Variants in NCBP3 observed in about 807,000 individuals in gnomAD.
The protein encoded by NCBP3 is nuclear cap binding subunit 3, also known as nuclear cap-binding protein subunit 3.
A neutral mutation model predicts 75.7 loss-of-function variants in NCBP3; 20 were observed. The observed-to-expected ratio is 0.26, with a 90% confidence interval of 0.19 to 0.38. NCBP3 has a LOEUF of 0.38. NCBP3 is among the 10% of genes least tolerant of loss of function. The pLI, the probability that NCBP3 is intolerant of heterozygous loss-of-function variation, is 1.00. For missense variants in NCBP3, 678 were observed against 796.9 expected, an observed-to-expected ratio of 0.85 and a Z score of 1.80; for synonymous variants, 293 against 290.5, an observed-to-expected ratio of 1.01 and a Z score of -0.09.
At chr17:3,830,125 G>A (rs2053852390) in intron 3 of NCBP3, among the ~76,000 whole-genome samples, 2 of 152,168 alleles carry the variant, frequency 1.3e-5, no homozygotes, top group Admixed American at 6.5e-5. Flanking sequence ...CGTCACTGCG[G>A]AGGGCAAATG....
rs1400353141 is a variant in NCBP3, at chr17:3,809,654, C to G, written c.*3390G>C. On this transcript the variant is annotated 3_prime_UTR_variant, in exon 13 of 13. Transcript: ENST00000389005. ...CCCGGAGGTGGAGGTTGCAGTGGGCCGAGATCGTGCCATTGCACTCCAGCC... is the reference window on the plus strand; with the variant it reads ...CCCGGAGGTGGAGGTTGCAGTGGGCGGAGATCGTGCCATTGCACTCCAGCC... 1 of 152,052 alleles carries G rather than the reference C, an allele frequency of 6.6e-6. No homozygotes were observed. The highest frequency in any genetic ancestry group is 2.1e-4 in the South Asian group (1 of 4,812). The allele number at this position is 152,052 out of a possible 1,614,324, so 9.4% of individuals were successfully genotyped here. A position where few individuals can be genotyped will look rare whatever the true frequency, so the allele number is the denominator to read the frequency against.
intron 3 of NCBP3, among the ~76,000 whole-genome samples, chr17:3,838,508 G>A (rs1295150097): frequency 1.3e-5 from 2 of 152,228 alleles, no homozygotes; most frequent in African/African-American, 4.8e-5. Flanking sequence ...ACTTGAACTG[G>A]TCATGCAGGA....
chr17:3,814,628 TG>T (rs2053494715), intron 11 of NCBP3, 145 bp from the exon 12 acceptor site: 1 of 832,534 alleles, frequency 1.2e-6, no homozygotes, highest in African/African-American at 1.7e-5. Context: ...ATTCTTCCTT[TG>T]TAATCAGTCT....
At chr17:3,824,774 G>A in intron 7 of NCBP3, 168 bp downstream of exon 7, 1 of 392,970 alleles carries the variant, frequency 2.5e-6, no homozygotes, top group East Asian at 4.0e-5. Context: ...TTTAAAGTCA[G>A]AAATTCCAAC....
In NCBP3 at chr17:3,809,279, G is replaced by A. The variant is rs910785409; in HGVS notation, c.*3765C>T. 1 of 152,116 alleles carries A rather than the reference G, an allele frequency of 6.6e-6. No homozygotes were observed. Among genetic ancestry groups the A allele is most frequent in the East Asian group, 1.9e-4 (1 of 5,200 alleles). 9.4% of individuals were successfully genotyped at this position (152,116 alleles called of 1,614,324 possible). On this transcript the variant is annotated 3_prime_UTR_variant, in exon 13 of 13. Coordinates refer to ENST00000389005, the MANE Select transcript of NCBP3 (RefSeq NM_001114118.3). ...ATACAGCTGCTTGGAAAAACCACCTGGTGGTTCCTGAAAAGGTTAAAGATA... is the reference window on the plus strand; with the variant it reads ...ATACAGCTGCTTGGAAAAACCACCTAGTGGTTCCTGAAAAGGTTAAAGATA...
chr17:3,829,530 T>C (rs1233791916), intron 3 of NCBP3, among the ~76,000 whole-genome samples, 162 bp from the exon 4 acceptor site: 2 of 152,068 alleles, frequency 1.3e-5, no homozygotes, highest in Non-Finnish European at 2.9e-5. Flanking sequence ...AACAGTAAGG[T>C]AAACTATCTT....
rs377650224 is a variant in NCBP3 at position 3,829,124 on chromosome 17, C to G, written c.481+119G>C. ...GACAATTTTTTCTCTCCTGGACTAA[C>G]AGCAGAAGTTCGGCATAAACAAGTA... On this transcript the variant is annotated intron_variant, in intron 4 of 12. Transcript: ENST00000389005. 8.9e-5 allele frequency: 103 copies of G among 1,151,602 alleles called. No individual in the cohort carries two copies. In the East Asian group the frequency reaches 2.3e-3, roughly 25 times the overall value. The allele number at this position is 1,151,602 out of a possible 1,614,324, so 71.3% of individuals were successfully genotyped here.
chr17:3,824,974 C>G lies in NCBP3; in HGVS notation c.764G>C (p.Gly255Ala). The G allele has an allele frequency of 2.6e-6, 4 of 1,543,752 alleles. No individual in the cohort carries two copies. Among genetic ancestry groups the G allele is most frequent in the Non-Finnish European group, 2.6e-6 (3 of 1,142,828 alleles). The change falls in exon 7 of 13, where the codon GGA becomes GCA. Residue 255 changes from glycine to alanine, a missense_variant. This residue lies in a region of NCBP3 where 98 missense variants were observed against 101.8 expected (regional missense o/e 0.96). Transcript: ENST00000389005. ...DLRPANKLAK[G>A]NRLFMRFATK... is the part of the protein sequence containing the mutation. ...AGCAAATCTCATGAATAACCTATTTCCTTTAGCAAGTTTGTTAGCTGGACG... is the reference window on the plus strand; with the variant it reads ...AGCAAATCTCATGAATAACCTATTTGCTTTAGCAAGTTTGTTAGCTGGACG...
intron 3 of NCBP3, among the ~76,000 whole-genome samples, chr17:3,833,408 G>A (rs558482938): frequency 3.2e-4 from 49 of 152,190 alleles, no homozygotes; most frequent in Non-Finnish European, 5.9e-4. Flanking sequence ...TGCACCCAGC[G>A]CCTGCATCTC....
In NCBP3 at chr17:3,806,988, T is replaced by C. The variant is rs1239783286; in HGVS notation, c.*6056A>G. On this transcript the variant is annotated 3_prime_UTR_variant, in exon 13 of 13. Transcript: ENST00000389005. ...ACTTATTTGTGTAGCAACTAATTCA[T>C]CTGTGAAGCCATGGTTTGCTGTGGC... is the stretch of plus-strand genomic sequence containing the variant. The C allele has an allele frequency of 6.6e-6, 1 of 152,244 alleles. No individual in the cohort carries two copies. Among genetic ancestry groups the C allele is most frequent in the Non-Finnish European group, 1.5e-5 (1 of 68,042 alleles). The allele number at this position is 152,244 out of a possible 1,614,324, so 9.4% of individuals were successfully genotyped here. A position where few individuals can be genotyped will look rare whatever the true frequency, so the allele number is the denominator to read the frequency against.
rs1021554235 is a variant in NCBP3, at chr17:3,812,677, GAGA to G, written c.*364_*366del. 19 of 1,048,656 alleles carry G rather than the reference GAGA, an allele frequency of 1.8e-5. No individual in the cohort carries two copies. The highest frequency in any genetic ancestry group is 2.2e-5 in the Non-Finnish European group (19 of 868,100). The allele number at this position is 1,048,656 out of a possible 1,614,324, so 65.0% of individuals were successfully genotyped here. A position where few individuals can be genotyped will look rare whatever the true frequency, so the allele number is the denominator to read the frequency against. ...CAGCTGTCAGGGCCAAGGCAATAGT[GAGA>G]AGTTCAGTTCTCTGCTCTTTGGATG... On this transcript the variant is annotated 3_prime_UTR_variant, in exon 13 of 13. Coordinates refer to ENST00000389005, the MANE Select transcript of NCBP3 (RefSeq NM_001114118.3).
In NCBP3 at chr17:3,829,236, T is replaced by C; in HGVS notation, c.481+7A>G. ...AGCATATTCACAGGAAACTCGGGTG[T>C]ACTTACAGGAGGTATCATCCAACCA... On this transcript the variant is annotated splice_region_variant and intron_variant, in intron 4 of 12. Coordinates refer to ENST00000389005, the MANE Select transcript of NCBP3 (RefSeq NM_001114118.3). 1 of 1,550,944 alleles carries C rather than the reference T, an allele frequency of 6.4e-7. No homozygotes were observed. Among genetic ancestry groups the C allele is most frequent in the Non-Finnish European group, 8.7e-7 (1 of 1,146,678 alleles).
chr17:3,836,943 G>C (rs1415396632), intron 3 of NCBP3, among the ~76,000 whole-genome samples: 1 of 151,734 alleles, frequency 6.6e-6, no homozygotes, highest in African/African-American at 2.4e-5. Flanking sequence ...AAGGTCAGGA[G>C]ATCGAGACCA....
chr17:3,845,373 T>C (rs2054143316), intron 1 of NCBP3, among the ~76,000 whole-genome samples: 1 of 152,036 alleles, frequency 6.6e-6, no homozygotes, highest in African/African-American at 2.4e-5. Flanking sequence ...AGCCACCAAG[T>C]CACAAGCAAA....
At position 3,822,026 on chromosome 17, in the gene NCBP3, T is replaced by C. The variant is rs750555959; in HGVS notation, c.823A>G (p.Arg275Gly). The change falls in exon 8 of 13, where the codon AGA becomes GGA. Residue 275 changes from arginine to glycine, a missense_variant. By Grantham distance (125) the Arg-to-Gly change is moderately radical. Around this residue, in one of 7 missense-constraint regions of NCBP3, gnomAD observed 38 missense variants for 78.9 expected, o/e 0.48. Transcript: ENST00000389005. The part of the protein sequence containing the change: ...KDDKKELGAA[R>G]RSQYYMKYGN... The stretch of plus-strand genomic sequence containing the variant: ...TATTTCATGTAATACTGACTTCTTC[T>C]GGCTGCTCCAAGTTCCTTTTTGTCA... 1 of 1,611,954 alleles carries C rather than the reference T, an allele frequency of 6.2e-7. No individual in the cohort carries two copies. The highest frequency in any genetic ancestry group is 1.1e-5 in the South Asian group (1 of 90,464).
chr17:3,845,906 C>G, intron 1 of NCBP3, 135 bp downstream of exon 1: 1 of 1,059,578 alleles, frequency 9.4e-7, no homozygotes, highest in Admixed American at 3.2e-5. Flanking sequence ...TTCCCGTTCC[C>G]AGGACGCTGG....
rs779804884 is a variant in NCBP3, at chr17:3,813,059, T to C, written c.1848A>G (p.Ser616=). The C allele has an allele frequency of 3.7e-6, 6 of 1,614,080 alleles. No individual in the cohort carries two copies. The Admixed American group carries it at 5.0e-5, about 13-fold the overall frequency. ...CCCAGGGGCATCAGGACTCTGCCTC[T>C]GAACCAGAGCTGCTTTCCCGACTAA... ...IEVSRESSSG[S]EAES Residue 616 remains serine, a synonymous_variant, in exon 13 of 13, where the codon TCA becomes TCG. Transcript: ENST00000389005.
chr17:3,841,622 G>A (rs921214184), intron 2 of NCBP3, among the ~76,000 whole-genome samples: 1 of 28,404 alleles, frequency 3.5e-5, no homozygotes, highest in Non-Finnish European at 7.5e-5. Flanking sequence ...TTTTTTTTTT[G>A]CGGGGATGGG....
chr17:3,817,061 G>C (rs1188589791), intron 10 of NCBP3, among the ~76,000 whole-genome samples: 1 of 151,574 alleles, frequency 6.6e-6, no homozygotes, highest in African/African-American at 2.4e-5. Flanking sequence ...TGGTGAACAA[G>C]GCCATACAAA....
Sources: allele counts gnomAD v4.1 joint callset (sites outside exome capture counted in the v4.1 genomes callset), GRCh38; gene constraint gnomAD v4.1.1; regional missense constraint gnomAD v4.1.1; transcripts MANE v1.5; gene names NCBI Gene and HGNC (gene_info 2026-07-23, HGNC 2026-07-21).